The following GRAMD2B variants were observed in gnomAD, a reference collection of about 807,000 sequenced individuals.
The protein encoded by GRAMD2B is GRAM domain-containing protein 2B.
Under a neutral mutation model 59.2 loss-of-function variants are expected in GRAMD2B, and 41 were observed. The observed-to-expected ratio is 0.69, with a 90% CI of 0.54 to 0.90. The LOEUF is 0.90. Among genes scored for constraint, GRAMD2B ranks in the 40% least tolerant of loss-of-function variants. GRAMD2B has a pLI of 0.00. For synonymous variants in GRAMD2B, 161 were observed against 182.7 expected, an observed-to-expected ratio of 0.88 and a Z score of 0.96; for missense variants, 424 against 500.5, an observed-to-expected ratio of 0.85 and a Z score of 1.46.
At chr5:126,367,726 A>T (rs923253668), upstream of GRAMD2B, among the ~76,000 whole-genome samples, 5 of 152,098 alleles carry the variant, frequency 3.3e-5, no homozygotes, top group Admixed American at 6.6e-5. Flanking sequence ...AGCAAAGAAA[A>T]CTAGAGCTTC....
At chr5:126,386,276 C>T (rs1027082990) in intron 1 of GRAMD2B, among the ~76,000 whole-genome samples, 1 of 152,160 alleles carries the variant, frequency 6.6e-6, no homozygotes. Context: ...TGCATGATTC[C>T]ATGCTCTCCA....
At chr5:126,457,108 C>A (rs1766423898) in intron 1 of GRAMD2B, among the ~76,000 whole-genome samples, 1 of 140,686 alleles carries the variant, frequency 7.1e-6, no homozygotes, top group Admixed American at 8.1e-5. Context: ...GAGAGAATGG[C>A]ATGAATGTGG....
exon 1 of GRAMD2B, chr5:126,360,421 C>T (rs543906390): frequency 2.1e-5 from 32 of 1,551,026 alleles, no homozygotes; most frequent in African/African-American, 8.2e-5. Context: ...GTATGTTCCA[C>T]GGGAGAGAAG....
At chr5:126,473,205 C>T (rs2126842312) in intron 4 of GRAMD2B, 60 bp from the exon 5 acceptor site, 2 of 607,900 alleles carry the variant, frequency 3.3e-6, no homozygotes, top group South Asian at 4.0e-5. Flanking sequence ...AAAATATATA[C>T]ACGGTTTTTA....
intron 2 of GRAMD2B, chr5:126,467,446 C>G (rs1768664594): frequency 6.6e-6 from 1 of 152,082 alleles, no homozygotes; most frequent in Non-Finnish European, 1.5e-5. Context: ...CATACCCTGT[C>G]CACAGGGGCC....
intron 5 of GRAMD2B, among the ~76,000 whole-genome samples, chr5:126,474,495 T>A (rs1193786648): frequency 6.6e-6 from 1 of 152,202 alleles, no homozygotes; most frequent in African/African-American, 2.4e-5. Flanking sequence ...ATCAGTATAA[T>A]ACAAAGCAAT....
chr5:126,488,919 G>A, intron 13 of GRAMD2B, 27 bp downstream of exon 13: 1 of 1,549,514 alleles, frequency 6.5e-7, no homozygotes, highest in African/African-American at 1.4e-5. Flanking sequence ...CTGTGTATGG[G>A]GGCAGTCACA....
chr5:126,360,590 G>A, intron 1 of GRAMD2B: 1 of 881,002 alleles, frequency 1.1e-6, no homozygotes, highest in Non-Finnish European at 1.7e-6. Context: ...TGCCCACTGG[G>A]GGAGTTTTCC....
chr5:126,466,993 AT>A (rs1561569149), intron 2 of GRAMD2B, among the ~76,000 whole-genome samples: 1 of 152,086 alleles, frequency 6.6e-6, no homozygotes. Context: ...ATGCTTAATA[AT>A]TTTTATGTAA....
intron 1 of GRAMD2B, among the ~76,000 whole-genome samples, chr5:126,438,986 T>G (rs1316111059): frequency 5.9e-5 from 9 of 152,094 alleles, no homozygotes; most frequent in Non-Finnish European, 1.0e-4. Context: ...ATATTAGAGA[T>G]GACATATTGA....
intron 1 of GRAMD2B, among the ~76,000 whole-genome samples, chr5:126,417,014 A>G (rs1005221460): frequency 1.3e-5 from 2 of 152,202 alleles, no homozygotes; most frequent in Non-Finnish European, 2.9e-5. Context: ...GTTCACTTCT[A>G]TATCTCATGC....
intron 1 of GRAMD2B, among the ~76,000 whole-genome samples, chr5:126,454,477 C>G (rs542290094): frequency 2.0e-5 from 3 of 152,276 alleles, no homozygotes; most frequent in Non-Finnish European, 4.4e-5. Flanking sequence ...AAAAATCAAG[C>G]TAGTTTGAGT....
chr5:126,412,199 A>G (rs1171234756), intron 1 of GRAMD2B, among the ~76,000 whole-genome samples: 1 of 151,880 alleles, frequency 6.6e-6, no homozygotes, highest in Admixed American at 6.6e-5. Flanking sequence ...TTCTCAGGGA[A>G]AATGCTTTCA....
upstream of GRAMD2B, among the ~76,000 whole-genome samples, chr5:126,368,977 C>T (rs779232344): frequency 3.3e-5 from 5 of 152,180 alleles, no homozygotes; most frequent in Non-Finnish European, 5.9e-5. Flanking sequence ...CCATTACCTA[C>T]AGGATAAAGC....
intron 1 of GRAMD2B, among the ~76,000 whole-genome samples, chr5:126,413,573 T>C (rs1759013813): frequency 6.6e-6 from 1 of 152,132 alleles, no homozygotes; most frequent in Non-Finnish European, 1.5e-5. Flanking sequence ...ATATATATTC[T>C]GTGGTAGATG....
chr5:126,442,628 A>G (rs907477206), intron 1 of GRAMD2B, among the ~76,000 whole-genome samples: 1 of 152,170 alleles, frequency 6.6e-6, no homozygotes, highest in Non-Finnish European at 1.5e-5. Flanking sequence ...ACATGTATGC[A>G]TTATAAAACT....
At chr5:126,382,161 T>C (rs941309089) in intron 1 of GRAMD2B, among the ~76,000 whole-genome samples, 3 of 152,224 alleles carry the variant, frequency 2.0e-5, no homozygotes, top group Non-Finnish European at 4.4e-5. Flanking sequence ...CTGATGACTA[T>C]GTGCCTAGTC....
chr5:126,362,611 G>C (rs971629744), intron 1 of GRAMD2B, among the ~76,000 whole-genome samples: 3 of 152,088 alleles, frequency 2.0e-5, no homozygotes, highest in Non-Finnish European at 4.4e-5. Flanking sequence ...AAAAGGAACA[G>C]AGATACTCAA....
At chr5:126,371,636 C>G in intron 1 of GRAMD2B, 1 of 1,176,888 alleles carries the variant, frequency 8.5e-7, no homozygotes, top group Non-Finnish European at 1.1e-6. Flanking sequence ...AACTGGTGAC[C>G]CTTGGAGAGC....
Sources: allele counts gnomAD v4.1 joint callset (sites outside exome capture counted in the v4.1 genomes callset), GRCh38; gene constraint gnomAD v4.1.1; transcripts MANE v1.5; gene names NCBI Gene and HGNC (gene_info 2026-07-23, HGNC 2026-07-21).